GRM1: variants seen among roughly 807,000 people sequenced by gnomAD.
The protein encoded by GRM1 is metabotropic glutamate receptor 1.
GRM1 carries 33 observed loss-of-function variants against 90.9 expected under a neutral mutation model. The observed-to-expected ratio is 0.36, with a 90% CI of 0.28 to 0.49. The LOEUF (loss-of-function observed/expected upper bound fraction) is 0.49, where lower values mean the gene tolerates loss of function less well. Among genes scored for constraint, GRM1 ranks in the 20% least tolerant of loss-of-function variants. GRM1 has a pLI of 0.99. For synonymous variants in GRM1, 700 were observed against 613.2 expected (o/e 1.14, Z -2.09); for missense variants, 1,190 against 1,534.3 (o/e 0.78, Z 3.75).
intron 2 of GRM1, among the ~76,000 whole-genome samples, chr6:146,247,364 C>T (rs1460211198): frequency 1.3e-5 from 2 of 151,942 alleles, no homozygotes; most frequent in Admixed American, 6.6e-5. Context: ...GTACAAGGAG[C>T]GGGGAGGCAG....
chr6:146,063,669 A>G (rs939825141), intron 1 of GRM1, among the ~76,000 whole-genome samples: 1 of 151,948 alleles, frequency 6.6e-6, no homozygotes, highest in Non-Finnish European at 1.5e-5. Flanking sequence ...AAAACAGGTC[A>G]TTTCTTAAGG....
At chr6:146,383,044 G>T (rs540145058) in intron 5 of GRM1, among the ~76,000 whole-genome samples, 1 of 146,720 alleles carries the variant, frequency 6.8e-6, no homozygotes, top group Admixed American at 6.6e-5. Context: ...AGTCTAGAGG[G>T]TTGACTATGA....
chr6:146,250,565 G>C (rs1361359177), intron 2 of GRM1, among the ~76,000 whole-genome samples: 2 of 152,176 alleles, frequency 1.3e-5, no homozygotes, highest in Admixed American at 1.3e-4. Flanking sequence ...ATGCAGAACT[G>C]TGACTCAATT....
rs111609121 is a variant in GRM1, at chr6:146,130,073, T to A, written c.701-29275T>A. On this transcript the variant is annotated intron_variant, in intron 1 of 7. Coordinates refer to ENST00000282753, the MANE Select transcript of GRM1 (RefSeq NM_001278064.2). ...ACTCAACCCAATGCTTCATTGTATA[T>A]TTAAGATGATTAGTGTAATTGGAAG... 6.1e-3 allele frequency among the ~76,000 whole-genome samples: 926 copies of A among 152,212 alleles called. 8 individuals carry two copies. The highest frequency in any genetic ancestry group is 0.021 in the African/African-American group (886 of 41,542).
chr6:146,404,677 A>G (rs916586445), intron 7 of GRM1, among the ~76,000 whole-genome samples: 4 of 152,244 alleles, frequency 2.6e-5, no homozygotes, highest in Admixed American at 6.5e-5. Flanking sequence ...TTTGTTATGC[A>G]TGAAGCACGT....
intron 2 of GRM1, among the ~76,000 whole-genome samples, chr6:146,283,784 C>T (rs759351665): frequency 1.3e-5 from 2 of 152,138 alleles, no homozygotes; most frequent in Non-Finnish European, 2.9e-5. Context: ...CAGAACTGGA[C>T]AGTGACATAG....
chr6:146,310,531 C>A (rs1290001998), intron 3 of GRM1, among the ~76,000 whole-genome samples: 1 of 152,198 alleles, frequency 6.6e-6, no homozygotes, highest in African/African-American at 2.4e-5. Context: ...CATTACATTT[C>A]TTCACCCCTT....
At chr6:146,181,976 A>C (rs555944626) in intron 2 of GRM1, among the ~76,000 whole-genome samples, 1 of 152,182 alleles carries the variant, frequency 6.6e-6, no homozygotes, top group South Asian at 2.1e-4. Flanking sequence ...ATCATTAAAA[A>C]GGAAAAGCAA....
chr6:146,134,937 A>G (rs1410254988), intron 1 of GRM1, among the ~76,000 whole-genome samples: 1 of 151,954 alleles, frequency 6.6e-6, no homozygotes, highest in Non-Finnish European at 1.5e-5. Context: ...TCTCAAAAAC[A>G]AAACAAAACA....
intron 7 of GRM1, among the ~76,000 whole-genome samples, chr6:146,430,049 C>T (rs1778353713): frequency 6.6e-6 from 1 of 152,164 alleles, no homozygotes; most frequent in Non-Finnish European, 1.5e-5. Context: ...CCATTTTAAA[C>T]CTCTCTGGAT....
At chr6:146,082,229 C>T (rs1216657614) in intron 1 of GRM1, among the ~76,000 whole-genome samples, 1 of 152,152 alleles carries the variant, frequency 6.6e-6, no homozygotes, top group East Asian at 1.9e-4. Flanking sequence ...AACCTCGGCT[C>T]ACTGCAACCT....
chr6:146,135,736 A>C (rs1179209823), intron 1 of GRM1, among the ~76,000 whole-genome samples: 1 of 152,212 alleles, frequency 6.6e-6, no homozygotes, highest in African/African-American at 2.4e-5. Flanking sequence ...CAGTAACCAC[A>C]TCAGGGTAAA....
At chr6:146,319,059 G>A (rs544967720) in intron 3 of GRM1, among the ~76,000 whole-genome samples, 44 of 152,228 alleles carry the variant, frequency 2.9e-4, no homozygotes, top group Non-Finnish European at 5.0e-4. Context: ...TACTCACAAC[G>A]TCTTTGCCCA....
At chr6:146,393,781 G>C (rs1348599193) in intron 6 of GRM1, among the ~76,000 whole-genome samples, 1 of 151,962 alleles carries the variant, frequency 6.6e-6, no homozygotes, top group Non-Finnish European at 1.5e-5. Flanking sequence ...ATTTCATATG[G>C]AACCAAAAAA....
intron 1 of GRM1, among the ~76,000 whole-genome samples, chr6:146,097,002 A>C (rs1211649172): frequency 6.6e-6 from 1 of 152,062 alleles, no homozygotes; most frequent in Admixed American, 6.6e-5. Flanking sequence ...GTTATGTTAG[A>C]TTATGTAACT....
At chr6:146,238,246 A>G (rs1012097218) in intron 2 of GRM1, among the ~76,000 whole-genome samples, 5 of 152,174 alleles carry the variant, frequency 3.3e-5, no homozygotes, top group African/African-American at 1.2e-4. Context: ...TGAAAAATGG[A>G]TAGGACCTTG....
intron 3 of GRM1, among the ~76,000 whole-genome samples, chr6:146,339,902 G>A (rs999247206): frequency 6.6e-6 from 1 of 152,160 alleles, no homozygotes; most frequent in Non-Finnish European, 1.5e-5. Context: ...CAGGGACCAT[G>A]GAAACCCATT....
In GRM1 at chr6:146,175,886, T is replaced by C. The variant is rs542501479; in HGVS notation, c.950+16289T>C. On this transcript the variant is annotated intron_variant, in intron 2 of 7. Transcript: ENST00000282753. ...TATTTCACAGAGCTTACAATAATAC[T>C]CGGGTTGTCTAAACCTGTATGTTAT... Among the ~76,000 whole-genome samples the C allele has an allele frequency of 2.0e-5, 3 of 152,292 alleles. No homozygotes were observed. In the South Asian group the frequency reaches 6.2e-4, roughly 32 times the overall value.
chr6:146,040,974 A>G (rs1437368011), intron 1 of GRM1, among the ~76,000 whole-genome samples: 1 of 151,768 alleles, frequency 6.6e-6, no homozygotes, highest in African/African-American at 2.4e-5. Context: ...GTATTTTCAA[A>G]TAACCTGTCT....
Sources: allele counts gnomAD v4.1 joint callset (sites outside exome capture counted in the v4.1 genomes callset), GRCh38; gene constraint gnomAD v4.1.1; transcripts MANE v1.5; gene names NCBI Gene and HGNC (gene_info 2026-07-23, HGNC 2026-07-21).